Variants in PID1 observed in about 807,000 individuals in gnomAD.
The protein encoded by PID1 is PTB-containing, cubilin and LRP1-interacting protein.
A neutral mutation model predicts 19.1 loss-of-function variants in PID1; 10 were observed. The ratio of observed to expected loss-of-function variants is 0.52; its 90% CI spans 0.32 to 0.89. The LOEUF is 0.89. PID1 is among the 40% of genes least tolerant of loss of function. The pLI, the probability that PID1 is intolerant of heterozygous loss-of-function variation, is 0.03. For synonymous variants in PID1, 130 were observed against 116.0 expected (o/e 1.12, Z -0.78); for missense variants, 248 against 285.3 (o/e 0.87, Z 0.94).
chr2:229,074,963 C>T (rs1694528651), intron 2 of PID1, among the ~76,000 whole-genome samples: 1 of 152,108 alleles, frequency 6.6e-6, no homozygotes, highest in African/African-American at 2.4e-5. Context: ...ATACAGGGCT[C>T]CCTGACTTAC....
At chr2:229,135,228 T>TC (rs1689836343) in intron 2 of PID1, among the ~76,000 whole-genome samples, 1 of 152,232 alleles carries the variant, frequency 6.6e-6, no homozygotes, top group Non-Finnish European at 1.5e-5. Context: ...CGTGGTTTGT[T>TC]CCCCCGCAGA....
At position 229,089,391 on chromosome 2, in the gene PID1, C is replaced by T. The variant is rs576162546; in HGVS notation, c.178-63283G>A. ...TTAAGCCCTATGAGTTTAATCTCTA[C>T]TGAGATTTTAGTTGTATCAACCTTG... On this transcript the variant is annotated intron_variant, in intron 2 of 2. Transcript: ENST00000392055. Among the ~76,000 whole-genome samples the T allele has an allele frequency of 1.8e-3, 277 of 152,262 alleles. 3 individuals carry two copies. The highest frequency in any genetic ancestry group is 6.3e-3 in the African/African-American group (262 of 41,548).
At chr2:229,128,500 T>C (rs1689635187) in intron 2 of PID1, among the ~76,000 whole-genome samples, 1 of 152,174 alleles carries the variant, frequency 6.6e-6, no homozygotes, top group Non-Finnish European at 1.5e-5. Flanking sequence ...AACAAAACTG[T>C]TCAAAGCCAA....
intron 1 of PID1, among the ~76,000 whole-genome samples, chr2:229,246,687 G>T (rs1315428152): frequency 6.6e-6 from 1 of 152,160 alleles, no homozygotes; most frequent in Non-Finnish European, 1.5e-5. Flanking sequence ...ACTAGGCAAG[G>T]CCAGCATTAT....
intron 1 of PID1, among the ~76,000 whole-genome samples, chr2:229,177,075 T>G (rs552255150): frequency 6.6e-6 from 1 of 152,154 alleles, no homozygotes; most frequent in African/African-American, 2.4e-5. Flanking sequence ...AGAGAACTTG[T>G]GAAGGGAAAT....
chr2:229,061,942 A>G (rs1033337997), intron 2 of PID1, among the ~76,000 whole-genome samples: 3 of 151,934 alleles, frequency 2.0e-5, no homozygotes, highest in African/African-American at 7.2e-5. Context: ...GCTATTTTTT[A>G]TCCTGAAACT....
chr2:229,113,596 A>ATGTGTGTGTGTGTGTGTGTGTGTGTG (rs3083856), intron 2 of PID1, among the ~76,000 whole-genome samples: 1 of 141,976 alleles, frequency 7.0e-6, no homozygotes, highest in South Asian at 2.3e-4. Flanking sequence ...GTATGCATAT[A>ATGTGTGTGTGTGTGTGTGTGTGTGTG]TGTGTGTGTG....
chr2:229,086,641 G>A (rs11692327), intron 2 of PID1, among the ~76,000 whole-genome samples: 49,732 of 151,970 alleles, frequency 0.33, 9,470 homozygotes, highest in Middle Eastern at 0.51. Context: ...TTTTACTTAC[G>A]TGAAAAACTT....
rs76448899 is a variant in PID1, at chr2:229,123,619, T to C, written c.177+32199A>G. Among the ~76,000 whole-genome samples the C allele has an allele frequency of 3.6e-4, 55 of 152,298 alleles. No homozygotes were observed. The East Asian group carries it at 9.8e-3, about 27-fold the overall frequency. On this transcript the variant is annotated intron_variant, in intron 2 of 2. Transcript: ENST00000392055. Reference sequence around the variant, plus strand: ...ACCACGGTGTTTTCCAAAATGCCAATACCATTTTACCTTCCCACCAGCAGT... The same window carrying C: ...ACCACGGTGTTTTCCAAAATGCCAACACCATTTTACCTTCCCACCAGCAGT...
In PID1 at chr2:229,128,709, C is replaced by T. The variant is rs559520329; in HGVS notation, c.177+27109G>A. Reference sequence around the variant, plus strand: ...ATTGAATGTCTATTATTTCTCAGGGCATTTATGTTCATTTTCTGTAATCCT... The same window carrying T: ...ATTGAATGTCTATTATTTCTCAGGGTATTTATGTTCATTTTCTGTAATCCT... On this transcript the variant is annotated intron_variant, in intron 2 of 2. Transcript: ENST00000392055. Among the ~76,000 whole-genome samples, 29 of 152,154 alleles carry T rather than the reference C, an allele frequency of 1.9e-4. 1 individual carries two copies. In the South Asian group the frequency reaches 6.0e-3, roughly 32 times the overall value.
intron 2 of PID1, among the ~76,000 whole-genome samples, chr2:229,065,268 T>C (rs905491484): frequency 2.6e-5 from 4 of 152,142 alleles, no homozygotes; most frequent in African/African-American, 9.7e-5. Context: ...AGAAATACTG[T>C]TAAGTTCTAG....
chr2:229,262,668 A>C, intron 1 of PID1: 1 of 1,550,826 alleles, frequency 6.4e-7, no homozygotes, highest in Non-Finnish European at 8.7e-7. Context: ...AAACAACAGA[A>C]ATTTAATCTC....
chr2:229,179,006 T>G (rs1690883722), intron 1 of PID1, among the ~76,000 whole-genome samples: 1 of 152,244 alleles, frequency 6.6e-6, no homozygotes, highest in East Asian at 1.9e-4. Flanking sequence ...CCAAAGAAAT[T>G]GCATGTGATC....
At chr2:229,164,372 A>C (rs1292696899) in intron 1 of PID1, among the ~76,000 whole-genome samples, 1 of 152,204 alleles carries the variant, frequency 6.6e-6, no homozygotes, top group Non-Finnish European at 1.5e-5. Flanking sequence ...AATTGAACTA[A>C]GAGGGTGTGA....
intron 1 of PID1, among the ~76,000 whole-genome samples, chr2:229,188,754 A>AAG (rs1553574400): frequency 4.0e-5 from 6 of 150,440 alleles, no homozygotes; most frequent in African/African-American, 1.5e-4. Context: ...AAAAAAAAAA[A>AAG]AGAGAGAGAG....
At chr2:229,158,117 C>T (rs1690419373) in intron 1 of PID1, among the ~76,000 whole-genome samples, 1 of 152,210 alleles carries the variant, frequency 6.6e-6, no homozygotes, top group African/African-American at 2.4e-5. Context: ...AATGTAAATT[C>T]ATGCTCAGAA....
At chr2:229,190,566 G>C (rs1691238241) in intron 1 of PID1, among the ~76,000 whole-genome samples, 1 of 152,236 alleles carries the variant, frequency 6.6e-6, no homozygotes, top group Non-Finnish European at 1.5e-5. Context: ...TTCTGCAGAA[G>C]AAGAGTCCAG....
rs545890139 is a variant in PID1 at position 229,139,006 on chromosome 2, A to T, written c.177+16812T>A. 5.5e-5 allele frequency among the ~76,000 whole-genome samples: 5 copies of T among 90,722 alleles called. No individual in the cohort carries two copies. In the East Asian group the frequency reaches 1.2e-3, roughly 22 times the overall value. The allele number at this position is 90,722 out of a possible 152,430, so 59.5% of individuals were successfully genotyped here. A position where few individuals can be genotyped will look rare whatever the true frequency, so the allele number is the denominator to read the frequency against. On this transcript the variant is annotated intron_variant, in intron 2 of 2. Coordinates refer to ENST00000392055, the MANE Select transcript of PID1 (RefSeq NM_001100818.2). ...AAGAAAGAAAGAAAGAAAGAAAGAA[A>T]GAAAGAAAGAAAGAAAGAAAGAAAG...
rs951507270 is a variant in PID1, at chr2:229,236,989, C to T, written c.30+34025G>A. The stretch of plus-strand genomic sequence containing the variant: ...CGGCCTTCTCCTTTACACACACATA[C>T]ACACACACACACACACACACACACA... On this transcript the variant is annotated intron_variant, in intron 1 of 2. Transcript: ENST00000392055. Among the ~76,000 whole-genome samples, 8 of 89,804 alleles carry T rather than the reference C, an allele frequency of 8.9e-5. No homozygotes were observed. The East Asian group carries it at 2.1e-3, about 23-fold the overall frequency. The allele number at this position is 89,804 out of a possible 152,430, so 58.9% of individuals were successfully genotyped here. A position where few individuals can be genotyped will look rare whatever the true frequency, so the allele number is the denominator to read the frequency against.
Sources: allele counts gnomAD v4.1 joint callset (sites outside exome capture counted in the v4.1 genomes callset), GRCh38; gene constraint gnomAD v4.1.1; transcripts MANE v1.5; gene names NCBI Gene and HGNC (gene_info 2026-07-23, HGNC 2026-07-21).